The following CNTN5 variants were observed in gnomAD, a reference collection of about 807,000 sequenced individuals.
The protein encoded by CNTN5 is contactin 5.
CNTN5 carries 77 observed loss-of-function variants against 129.1 expected under a neutral mutation model. The observed-to-expected ratio is 0.60, with a 90% CI of 0.50 to 0.72. The LOEUF (loss-of-function observed/expected upper bound fraction) is 0.72, where lower values mean the gene tolerates loss of function less well. Ranked by LOEUF, CNTN5 falls within the 30% of genes least tolerant of loss-of-function variation. The pLI is 0.00. For synonymous variants in CNTN5, 509 were observed against 465.6 expected (o/e 1.09, Z -1.20); for missense variants, 1,478 against 1,328.8 (o/e 1.11, Z -1.75).
At chr11:99,621,422 T>C (rs1441691350) in intron 3 of CNTN5, among the ~76,000 whole-genome samples, 1 of 152,236 alleles carries the variant, frequency 6.6e-6, no homozygotes, top group African/African-American at 2.4e-5. Flanking sequence ...AGGATATTTT[T>C]TCATATTTAA....
At chr11:100,245,857 T>A (rs1437420718) in intron 16 of CNTN5, among the ~76,000 whole-genome samples, 2 of 152,146 alleles carry the variant, frequency 1.3e-5, no homozygotes, top group Non-Finnish European at 2.9e-5. Context: ...TTCTGAGGCT[T>A]TGCTTTTCAT....
intron 6 of CNTN5, among the ~76,000 whole-genome samples, chr11:99,891,002 G>T (rs148336001): frequency 1.2e-4 from 18 of 152,136 alleles, no homozygotes; most frequent in Non-Finnish European, 7.4e-5. Flanking sequence ...GCAAATAAAA[G>T]GGAAGTATGA....
At chr11:99,579,190 A>G (rs1463271387) in intron 3 of CNTN5, among the ~76,000 whole-genome samples, 1 of 152,036 alleles carries the variant, frequency 6.6e-6, no homozygotes, top group Non-Finnish European at 1.5e-5. Context: ...ATTGGTCTAT[A>G]TCCTGTTTTG....
rs74734221 is a variant in CNTN5 at position 99,565,573 on chromosome 11, C to A, written c.55+9304C>A. Among the ~76,000 whole-genome samples, 1,309 of 152,266 alleles carry A rather than the reference C, an allele frequency of 8.6e-3. 7 individuals are homozygous for A. Among genetic ancestry groups the A allele is most frequent in the Non-Finnish European group, 0.014 (919 of 68,030 alleles). On this transcript the variant is annotated intron_variant, in intron 3 of 24. Transcript: ENST00000524871. ...CTTGTCCCTTGCTATTTTCTGTTCC[C>A]CATTACCACTTGGTATTCAAAGAGA...
At chr11:100,018,284 T>C (rs181467649) in intron 9 of CNTN5, among the ~76,000 whole-genome samples, 1 of 152,082 alleles carries the variant, frequency 6.6e-6, no homozygotes, top group East Asian at 1.9e-4. Context: ...CATTTCTACA[T>C]GTACACTTAT....
chr11:99,911,274 C>T (rs1235873453), intron 6 of CNTN5, among the ~76,000 whole-genome samples: 1 of 151,928 alleles, frequency 6.6e-6, no homozygotes, highest in Non-Finnish European at 1.5e-5. Flanking sequence ...CCTTGGAGCA[C>T]TGATAGTCTA....
At chr11:99,194,754 T>G (rs1305232418) in intron 1 of CNTN5, among the ~76,000 whole-genome samples, 1 of 152,114 alleles carries the variant, frequency 6.6e-6, no homozygotes, top group Admixed American at 6.5e-5. Flanking sequence ...TACAGGTGCA[T>G]GCCGCCATGC....
intron 3 of CNTN5, among the ~76,000 whole-genome samples, chr11:99,561,256 G>A (rs1479466897): frequency 1.3e-5 from 2 of 152,122 alleles, no homozygotes; most frequent in East Asian, 1.9e-4. Context: ...AACTGGGATA[G>A]TTCCCAGTAA....
chr11:99,260,594 T>C (rs532126862), intron 1 of CNTN5, among the ~76,000 whole-genome samples: 1 of 152,054 alleles, frequency 6.6e-6, no homozygotes, highest in Non-Finnish European at 1.5e-5. Flanking sequence ...TCATTATTTC[T>C]GAAAACAAGA....
At chr11:99,033,453 G>T (rs1456676477) in intron 1 of CNTN5, among the ~76,000 whole-genome samples, 1 of 152,128 alleles carries the variant, frequency 6.6e-6, no homozygotes, top group Non-Finnish European at 1.5e-5. Context: ...CTGAGCAGTG[G>T]TTTGTAGTTC....
intron 1 of CNTN5, among the ~76,000 whole-genome samples, chr11:99,030,925 C>T (rs929108117): frequency 6.6e-6 from 1 of 151,836 alleles, no homozygotes; most frequent in African/African-American, 2.4e-5. Flanking sequence ...CGACTGGAGG[C>T]GCTCGCCACC....
At chr11:99,285,977 G>A (rs990559875) in intron 1 of CNTN5, among the ~76,000 whole-genome samples, 2 of 140,452 alleles carry the variant, frequency 1.4e-5, no homozygotes, top group Non-Finnish European at 3.1e-5. Flanking sequence ...GGCAGAGGTT[G>A]TAGCGAGGTG....
At chr11:99,117,970 A>T (rs1180030537) in intron 1 of CNTN5, among the ~76,000 whole-genome samples, 1 of 152,142 alleles carries the variant, frequency 6.6e-6, no homozygotes, top group Non-Finnish European at 1.5e-5. Flanking sequence ...TGAATATATC[A>T]CAATTTTAGG....
intron 3 of CNTN5, among the ~76,000 whole-genome samples, chr11:99,816,996 A>G (rs1390147413): frequency 6.6e-6 from 1 of 152,228 alleles, no homozygotes; most frequent in Non-Finnish European, 1.5e-5. Flanking sequence ...TCCACTGGAA[A>G]GCATTTTCTG....
intron 3 of CNTN5, among the ~76,000 whole-genome samples, chr11:99,575,191 C>T (rs1190573413): frequency 5.3e-5 from 8 of 152,088 alleles, no homozygotes; most frequent in African/African-American, 9.7e-5. Context: ...TGGTGTTAGA[C>T]GTGTCTATAT....
At chr11:99,545,410 T>A (rs1161433503) in intron 2 of CNTN5, among the ~76,000 whole-genome samples, 1 of 152,170 alleles carries the variant, frequency 6.6e-6, no homozygotes, top group African/African-American at 2.4e-5. Context: ...AAAAGCCCAA[T>A]TTAGCCAACA....
At chr11:99,403,860 T>G in intron 2 of CNTN5, among the ~76,000 whole-genome samples, 1 of 152,178 alleles carries the variant, frequency 6.6e-6, no homozygotes, top group Non-Finnish European at 1.5e-5. Context: ...TATAAGTATC[T>G]ATTATGTCCA....
At chr11:100,159,765 A>G (rs1366031871) in intron 13 of CNTN5, among the ~76,000 whole-genome samples, 1 of 151,978 alleles carries the variant, frequency 6.6e-6, no homozygotes, top group Non-Finnish European at 1.5e-5. Flanking sequence ...TACTTATGCC[A>G]GTGAACTTGC....
At chr11:99,698,237 A>G (rs958354268) in intron 3 of CNTN5, among the ~76,000 whole-genome samples, 1 of 148,380 alleles carries the variant, frequency 6.7e-6, no homozygotes, top group Non-Finnish European at 1.5e-5. Context: ...ACATTATTCA[A>G]TATTATATTA....
Sources: gnomAD v4.1 joint callset for allele counts (sites outside exome capture counted in the v4.1 genomes callset) on GRCh38, gnomAD v4.1.1 for gene constraint, MANE v1.5 for transcripts, NCBI Gene and HGNC (gene_info 2026-07-23, HGNC 2026-07-21) for gene names.